Variants in SCMH1 observed in about 807,000 individuals in gnomAD.
The protein encoded by SCMH1 is Scm polycomb group protein homolog 1.
SCMH1 carries 37 observed loss-of-function variants against 70.8 expected under a neutral mutation model. The ratio of observed to expected loss-of-function variants is 0.52; its 90% CI spans 0.40 to 0.69. SCMH1 has a LOEUF of 0.69. Ranked by LOEUF, SCMH1 falls within the 30% of genes least tolerant of loss-of-function variation. The pLI is 0.00. For synonymous variants in SCMH1, 292 were observed against 307.4 expected (o/e 0.95, Z 0.52); for missense variants, 607 against 827.3 (o/e 0.73, Z 3.27).
intron 7 of SCMH1, among the ~76,000 whole-genome samples, chr1:41,115,661 A>G (rs1264664860): frequency 6.6e-6 from 1 of 152,168 alleles, no homozygotes; most frequent in African/African-American, 2.4e-5. Context: ...GCTGGTCTCA[A>G]ATTCCTGGAC....
intron 8 of SCMH1, among the ~76,000 whole-genome samples, chr1:41,090,453 T>C (rs72663772): frequency 9.9e-5 from 15 of 152,134 alleles, no homozygotes; most frequent in African/African-American, 2.4e-4. Flanking sequence ...TCCAGACTCA[T>C]GGGATATGTA....
chr1:41,083,658 G>T (rs868125785), intron 8 of SCMH1, among the ~76,000 whole-genome samples: 2 of 152,046 alleles, frequency 1.3e-5, no homozygotes, highest in Non-Finnish European at 2.9e-5. Flanking sequence ...AAAAGAGCCC[G>T]CATCGCCAAG....
At chr1:41,083,723 C>T (rs1273387230) in intron 8 of SCMH1, among the ~76,000 whole-genome samples, 1 of 152,168 alleles carries the variant, frequency 6.6e-6, no homozygotes, top group African/African-American at 2.4e-5. Flanking sequence ...TGACTTCAAA[C>T]AATACTACAA....
chr1:41,208,726 G>A (rs533186741), intron 1 of SCMH1, among the ~76,000 whole-genome samples: 10 of 152,264 alleles, frequency 6.6e-5, no homozygotes, highest in African/African-American at 2.4e-4. Context: ...CACATTTAAA[G>A]CAGTGTGTTG....
At chr1:41,107,016 C>CT (rs879613092) in intron 8 of SCMH1, among the ~76,000 whole-genome samples, 2,478 of 145,236 alleles carry the variant, frequency 0.017, 68 homozygotes, top group African/African-American at 0.045. Context: ...CTTGACCATA[C>CT]TTTTTTTTTT....
chr1:41,074,557 A>G (rs556656037), intron 9 of SCMH1, among the ~76,000 whole-genome samples: 12 of 152,292 alleles, frequency 7.9e-5, no homozygotes, highest in African/African-American at 2.9e-4. Context: ...TAAAAGAAAA[A>G]AAAAACATTT....
chr1:41,162,307 T>C (rs1646101595), intron 2 of SCMH1, among the ~76,000 whole-genome samples: 1 of 152,054 alleles, frequency 6.6e-6, no homozygotes, highest in Non-Finnish European at 1.5e-5. Context: ...CTGGATGCTA[T>C]GAATGGCAGC....
intron 10 of SCMH1, among the ~76,000 whole-genome samples, chr1:41,054,693 A>G (rs971428367): frequency 6.6e-6 from 1 of 152,230 alleles, no homozygotes; most frequent in African/African-American, 2.4e-5. Context: ...AGCCCAAAGT[A>G]GAGAAGGGCT....
At chr1:41,221,732 A>G (rs1659327727) in intron 1 of SCMH1, among the ~76,000 whole-genome samples, 1 of 151,512 alleles carries the variant, frequency 6.6e-6, no homozygotes, top group African/African-American at 2.4e-5. Flanking sequence ...TACTAAAAAT[A>G]CAAAAAAAAA....
chr1:41,141,740 AAAG>A (rs1644095779), intron 6 of SCMH1, among the ~76,000 whole-genome samples: 1 of 152,234 alleles, frequency 6.6e-6, no homozygotes, highest in Non-Finnish European at 1.5e-5. Context: ...TTGTAGATTT[AAAG>A]AAGCTTAAAG....
chr1:41,046,742 C>G, intron 11 of SCMH1, 144 bp from the exon 12 acceptor site: 1 of 656,150 alleles, frequency 1.5e-6, no homozygotes, highest in Non-Finnish European at 2.7e-6. Flanking sequence ...CCCTCCCTCC[C>G]TTTAACTCCC....
At chr1:41,075,509 C>T in intron 8 of SCMH1, 58 bp from the exon 9 acceptor site, 1 of 1,471,124 alleles carries the variant, frequency 6.8e-7, no homozygotes, top group Non-Finnish European at 9.4e-7. Flanking sequence ...TCATCCCAGC[C>T]AGAAGAAAAA....
chr1:41,181,162 T>C (rs906826919), intron 2 of SCMH1, among the ~76,000 whole-genome samples: 1 of 152,194 alleles, frequency 6.6e-6, no homozygotes, highest in African/African-American at 2.4e-5. Context: ...AAGCTGAAAC[T>C]GGATCCCTTC....
chr1:41,199,088 T>C (rs1173755504), intron 1 of SCMH1, among the ~76,000 whole-genome samples: 1 of 152,234 alleles, frequency 6.6e-6, no homozygotes, highest in African/African-American at 2.4e-5. Context: ...AAATAAATTT[T>C]CATGTTGTTA....
intron 1 of SCMH1, among the ~76,000 whole-genome samples, chr1:41,209,959 A>C (rs1656593820): frequency 6.6e-6 from 1 of 152,226 alleles, no homozygotes. Flanking sequence ...ATATTTAGAA[A>C]ACCCCATCGT....
intron 5 of SCMH1, among the ~76,000 whole-genome samples, chr1:41,144,952 C>T (rs985022054): frequency 6.6e-6 from 1 of 151,886 alleles, no homozygotes; most frequent in Non-Finnish European, 1.5e-5. Context: ...TTTTAATTTC[C>T]GAGTTTTAAG....
chr1:41,187,121 G>C (rs1382219641), intron 1 of SCMH1, among the ~76,000 whole-genome samples: 1 of 152,100 alleles, frequency 6.6e-6, no homozygotes, highest in Non-Finnish European at 1.5e-5. Context: ...ACCCTGATCT[G>C]AATCTCCTCT....
At chr1:41,114,287 TAG>T (rs1458755522) in intron 7 of SCMH1, among the ~76,000 whole-genome samples, 3 of 152,224 alleles carry the variant, frequency 2.0e-5, no homozygotes, top group African/African-American at 7.2e-5. Flanking sequence ...ACCGGAAGTG[TAG>T]AGAGTTCCTG....
At chr1:41,097,843 T>G (rs1665505870) in intron 8 of SCMH1, among the ~76,000 whole-genome samples, 2 of 152,258 alleles carry the variant, frequency 1.3e-5, no homozygotes, top group African/African-American at 4.8e-5. Context: ...TTGGTTAAAA[T>G]TCTTCAATAG....
Sources: allele counts gnomAD v4.1 joint callset (sites outside exome capture counted in the v4.1 genomes callset), GRCh38; gene constraint gnomAD v4.1.1; transcripts MANE v1.5; gene names NCBI Gene and HGNC (gene_info 2026-07-23, HGNC 2026-07-21).